The following PAX8 variants were observed in gnomAD, a reference collection of about 807,000 sequenced individuals.
The protein encoded by PAX8 is paired box protein Pax-8.
PAX8 carries 15 observed loss-of-function variants against 52.4 expected under a neutral mutation model. That is an observed-to-expected ratio of 0.29 (90% CI 0.19 to 0.44). The LOEUF (loss-of-function observed/expected upper bound fraction) is 0.44. Ranked by LOEUF, PAX8 falls within the 20% of genes least tolerant of loss-of-function variation. The pLI is 1.00. For synonymous variants in PAX8, 284 were observed against 249.7 expected (o/e 1.14, Z -1.29); for missense variants, 554 against 602.5 (o/e 0.92, Z 0.84).
intron 7 of PAX8, chr2:113,240,865 G>T (rs1310770648): frequency 6.2e-6 from 1 of 161,234 alleles, no homozygotes; most frequent in African/African-American, 2.4e-5. Flanking sequence ...GCGTGTCTTT[G>T]TACCTGTCTG....
chr2:113,243,010 T>C (rs549348294), intron 4 of PAX8, among the ~76,000 whole-genome samples: 6 of 152,310 alleles, frequency 3.9e-5, no homozygotes, highest in Admixed American at 3.9e-4. Context: ...AGATGGGGCT[T>C]AACCTCTGCT....
intron 2 of PAX8, among the ~76,000 whole-genome samples, chr2:113,254,099 C>T (rs984000313): frequency 1.3e-5 from 2 of 152,152 alleles, no homozygotes; most frequent in Non-Finnish European, 2.9e-5. Context: ...ATATGGAATA[C>T]TCACAAGACC....
At chr2:113,236,539 C>T in intron 8 of PAX8, 62 bp downstream of exon 8, 1 of 1,526,622 alleles carries the variant, frequency 6.6e-7, no homozygotes, top group Non-Finnish European at 8.8e-7. Flanking sequence ...TTCCGCCTGA[C>T]AGCCAGCCAA....
chr2:113,235,535 T>C lies in PAX8; in HGVS notation c.946A>G (p.Ser316Gly). Residue 316 changes from serine to glycine, a missense_variant, in exon 9 of 12, where the codon AGT becomes GGT. Physicochemically the swap from Ser to Gly is moderately conservative, Grantham distance 56 (BLOSUM62 0). Coordinates refer to ENST00000429538, the MANE Select transcript of PAX8 (RefSeq NM_003466.4). ...AAAGAGGAAGGGGTGGAGCTAGAAC[T>C]GGACACCTCGGGGGTTTCCTGCTTT... ...AIKQETPEVS[S>G]SSSTPSSLSS... 6.2e-7 allele frequency: 1 copy of C among 1,613,832 alleles called. No homozygotes were observed. The highest frequency in any genetic ancestry group is 8.5e-7 in the Non-Finnish European group (1 of 1,179,810).
chr2:113,243,399 T>C (rs1429878462), intron 4 of PAX8, among the ~76,000 whole-genome samples: 1 of 396 alleles, frequency 2.5e-3, no homozygotes, highest in African/African-American at 4.1e-3. Context: ...CTTTCTTTCT[T>C]TTTTTTTTTG....
chr2:113,232,145 T>G (rs906302994), intron 9 of PAX8, among the ~76,000 whole-genome samples: 1 of 152,186 alleles, frequency 6.6e-6, no homozygotes, highest in Non-Finnish European at 1.5e-5. Context: ...CCCAGCTCTC[T>G]CACCATGGCT....
intron 5 of PAX8, 32 bp from the exon 6 acceptor site, chr2:113,242,162 TGGGA>T: frequency 6.3e-7 from 1 of 1,581,930 alleles, no homozygotes; most frequent in Non-Finnish European, 8.6e-7. Flanking sequence ...GGGTCAGGGG[TGGGA>T]GTGACACCCC....
intron 2 of PAX8, chr2:113,268,585 A>T (rs1352312589): frequency 2.6e-5 from 4 of 152,250 alleles, no homozygotes; most frequent in Non-Finnish European, 5.9e-5. Flanking sequence ...TCAAGTCTGG[A>T]AGCTGCGAGC....
At chr2:113,255,849 T>C (rs1692208075) in intron 2 of PAX8, among the ~76,000 whole-genome samples, 1 of 152,078 alleles carries the variant, frequency 6.6e-6, no homozygotes, top group Admixed American at 6.5e-5. Flanking sequence ...GAGAGACAGC[T>C]CAAGCTAGGG....
At chr2:113,258,476 T>C (rs1316071468) in intron 2 of PAX8, among the ~76,000 whole-genome samples, 1 of 152,078 alleles carries the variant, frequency 6.6e-6, no homozygotes, top group Non-Finnish European at 1.5e-5. Flanking sequence ...ATGCCACCGC[T>C]CCCCTACCCA....
chr2:113,219,453 C>T (rs1025352327), intron 11 of PAX8, among the ~76,000 whole-genome samples: 3 of 152,174 alleles, frequency 2.0e-5, no homozygotes, highest in Non-Finnish European at 4.4e-5. Flanking sequence ...CTTCTCTTCC[C>T]AGTTCAGGAC....
intron 2 of PAX8, among the ~76,000 whole-genome samples, chr2:113,277,339 C>T (rs6749645): frequency 0.34 from 51,517 of 152,256 alleles, 9,927 homozygotes; most frequent in Middle Eastern, 0.5. Flanking sequence ...CCCGGGCCCC[C>T]GCAGTGCGCT....
chr2:113,238,403 T>C (rs1258775312), intron 7 of PAX8: 1 of 152,630 alleles, frequency 6.6e-6, no homozygotes, highest in Non-Finnish European at 1.5e-5. Context: ...ACAAAATACC[T>C]AATTTCTAGA....
intron 2 of PAX8, among the ~76,000 whole-genome samples, chr2:113,248,934 C>T (rs1691544986): frequency 6.6e-6 from 1 of 152,096 alleles, no homozygotes; most frequent in African/African-American, 2.4e-5. Context: ...TCATTGCACT[C>T]CAGCCTGGGC....
At chr2:113,230,016 G>A (rs912862045) in intron 9 of PAX8, among the ~76,000 whole-genome samples, 8 of 152,182 alleles carry the variant, frequency 5.3e-5, no homozygotes, top group African/African-American at 9.7e-5. Flanking sequence ...TCTGAACCAC[G>A]TCTTCCTGCC....
chr2:113,226,759 A>G, intron 10 of PAX8: 1 of 1,159,986 alleles, frequency 8.6e-7, no homozygotes, highest in Non-Finnish European at 1.1e-6. Flanking sequence ...AATCACTGGG[A>G]GACCAGCACT....
Position 113,242,681 on chromosome 2 carries a change from A to G in PAX8, c.478+9T>C, listed in dbSNP as rs763274037. 3 of 1,599,868 alleles carry G rather than the reference A, an allele frequency of 1.9e-6. No individual in the cohort carries two copies. ...GCATGTGTGTGTATCCAGGTCTCTC[A>G]GCACTCACTCAGCGTGTGTCCGGGA... On this transcript the variant is annotated intron_variant, in intron 5 of 11. Transcript: ENST00000429538.
At chr2:113,276,663 A>G (rs1353906623) in intron 2 of PAX8, 2 of 292 alleles carry the variant, frequency 6.8e-3, no homozygotes, top group Non-Finnish European at 0.14. Context: ...GTAGCCGCGA[A>G]AAAAAAAAAA....
chr2:113,226,484 C>G (rs1689577369), intron 10 of PAX8: 1 of 988,996 alleles, frequency 1.0e-6, no homozygotes, highest in Admixed American at 5.8e-5. Context: ...TGGATGATGA[C>G]TGGCAGACAA....
Sources: allele counts gnomAD v4.1 joint callset (sites outside exome capture counted in the v4.1 genomes callset), GRCh38; gene constraint gnomAD v4.1.1; transcripts MANE v1.5; gene names NCBI Gene and HGNC (gene_info 2026-07-23, HGNC 2026-07-21).